ZNF846: variants seen among roughly 807,000 people sequenced by gnomAD.
ZNF846 encodes the protein zinc finger protein 846.
In ZNF846, 15 loss-of-function variants were observed where a neutral mutation model predicts 16.0. That is an observed-to-expected ratio of 0.94 (90% CI 0.63 to 1.45). The LOEUF is 1.45. Among genes scored for constraint, ZNF846 ranks in the 40% most tolerant of loss-of-function variants. ZNF846 has a pLI of 0.00. For missense variants in ZNF846, 714 were observed against 622.3 expected, an observed-to-expected ratio of 1.15 and a Z score of -1.57; for synonymous variants, 229 against 212.0, an observed-to-expected ratio of 1.08 and a Z score of -0.70.
At chr19:9,770,157 G>A (rs990035314), upstream of ZNF846, among the ~76,000 whole-genome samples, 2 of 151,404 alleles carry the variant, frequency 1.3e-5, no homozygotes, top group South Asian at 2.1e-4. Context: ...TTTGTGCATC[G>A]ATCATCACAA....
chr19:9,768,776 C>T (rs922227069), upstream of ZNF846: 3 of 152,342 alleles, frequency 2.0e-5, no homozygotes, highest in East Asian at 3.9e-4. Flanking sequence ...TCCGGTTGCG[C>T]ACGGCATTAA....
intron 4 of ZNF846, among the ~76,000 whole-genome samples, chr19:9,760,865 C>T (rs753586747): frequency 6.6e-6 from 1 of 151,574 alleles, no homozygotes; most frequent in Non-Finnish European, 1.5e-5. Flanking sequence ...GGACTGACTA[C>T]TTGATGGGTA....
chr19:9,770,103 C>A (rs2045376395), upstream of ZNF846, among the ~76,000 whole-genome samples: 1 of 152,086 alleles, frequency 6.6e-6, no homozygotes, highest in Non-Finnish European at 1.5e-5. Flanking sequence ...TACAATTAAC[C>A]TGTTTAAAGT....
intron 1 of ZNF846, among the ~76,000 whole-genome samples, chr19:9,777,225 G>C (rs1321413790): frequency 6.6e-6 from 1 of 151,838 alleles, no homozygotes; most frequent in South Asian, 2.1e-4. Context: ...CCAGCTACTT[G>C]GGAGGTCAAG....
At chr19:9,763,149 A>G in intron 3 of ZNF846, 133 bp downstream of exon 3, 1 of 811,800 alleles carries the variant, frequency 1.2e-6, no homozygotes, top group Admixed American at 3.2e-5. Context: ...TGTCTCAAAA[A>G]AAAAAAAAAA....
At chr19:9,756,345 G>GTGTGTGTGTGTGTATATATA (rs1321690890), downstream of ZNF846, 1 of 81,772 alleles carries the variant, frequency 1.2e-5, no homozygotes, top group African/African-American at 6.1e-5. Flanking sequence ...GTGTGTGTGT[G>GTGTGTGTGTGTGTATATATA]TATATATATA....
intron 3 of ZNF846, among the ~76,000 whole-genome samples, chr19:9,762,727 C>T (rs1486135915): frequency 6.6e-6 from 1 of 152,136 alleles, no homozygotes; most frequent in African/African-American, 2.4e-5. Flanking sequence ...GAAGAATGGC[C>T]TTGGACCACA....
At chr19:9,770,462 T>G (rs1021478451), upstream of ZNF846, among the ~76,000 whole-genome samples, 2 of 151,640 alleles carry the variant, frequency 1.3e-5, no homozygotes, top group Non-Finnish European at 2.9e-5. Flanking sequence ...ACATCAGTTG[T>G]TGGATATTGG....
At position 9,778,769 on chromosome 19, in the gene ZNF846, G is replaced by A. The variant is rs1179249518; in HGVS notation, c.-86+7169C>T. On this transcript the variant is annotated intron_variant, in intron 1 of 4. Coordinates refer to the ZNF846 transcript ENST00000586814. ...AGTGAGCTGAGATCATGCCATTGCA[G>A]TGCAGCTTGGGCAACAAGAGCGAAA... 2.1e-5 allele frequency among the ~76,000 whole-genome samples: 3 copies of A among 144,318 alleles called. No homozygotes were observed. In the East Asian group the frequency reaches 6.4e-4, roughly 31 times the overall value. The allele number at this position is 144,318 out of a possible 152,430, so 94.7% of individuals were successfully genotyped here. A position where few individuals can be genotyped will look rare whatever the true frequency, so the allele number is the denominator to read the frequency against.
rs187781992 is a variant in ZNF846, at chr19:9,766,484, C to T, written c.-85-1449G>A. ...TCTGTGGATCCACATTTGGGTTGTT[C>T]CTAATTTAGGCTATTTCAAATAATG... On this transcript the variant is annotated intron_variant, in intron 1 of 5. Coordinates refer to ENST00000397902, the Ensembl canonical transcript of ZNF846. Among the ~76,000 whole-genome samples the T allele has an allele frequency of 6.0e-5, 9 of 151,224 alleles. 1 individual carries two copies. In the South Asian group the frequency reaches 1.5e-3, roughly 25 times the overall value.
intron 1 of ZNF846, among the ~76,000 whole-genome samples, chr19:9,775,335 A>T (rs1390549754): frequency 5.3e-5 from 8 of 152,086 alleles, no homozygotes; most frequent in Non-Finnish European, 8.8e-5. Flanking sequence ...TGAAAAACAA[A>T]AGTGACAATG....
chr19:9,773,484 T>C (rs1293846820), upstream of ZNF846, among the ~76,000 whole-genome samples: 3 of 152,140 alleles, frequency 2.0e-5, no homozygotes, highest in Non-Finnish European at 4.4e-5. Context: ...AAATTAATTT[T>C]GAAACATAGA....
chr19:9,765,570 G>A (rs2045302161), intron 1 of ZNF846, among the ~76,000 whole-genome samples: 1 of 152,092 alleles, frequency 6.6e-6, no homozygotes, highest in African/African-American at 2.4e-5. Context: ...CAGCTGGGGA[G>A]GCTGAGGAAA....
chr19:9,760,064 G>T (rs1323805703), intron 4 of ZNF846, 122 bp from the exon 5 acceptor site: 3 of 641,240 alleles, frequency 4.7e-6, no homozygotes, highest in Non-Finnish European at 8.2e-6. Flanking sequence ...GGCCTAGATA[G>T]GTGGCTTACC....
intron 1 of ZNF846, among the ~76,000 whole-genome samples, chr19:9,784,549 T>C (rs1292921012): frequency 6.6e-6 from 1 of 152,162 alleles, no homozygotes; most frequent in Non-Finnish European, 1.5e-5. Flanking sequence ...AGGAGACAGA[T>C]GCTTTCCTCT....
At chr19:9,779,222 T>A (rs1360463089) in intron 1 of ZNF846, among the ~76,000 whole-genome samples, 1 of 152,224 alleles carries the variant, frequency 6.6e-6, no homozygotes, top group Non-Finnish European at 1.5e-5. Context: ...TTGGTTCCTT[T>A]GGAAGAAATG....
intron 1 of ZNF846, among the ~76,000 whole-genome samples, chr19:9,782,421 C>T (rs2045511207): frequency 1.3e-5 from 2 of 152,042 alleles, no homozygotes; most frequent in Non-Finnish European, 2.9e-5. Context: ...TGCACCACCA[C>T]ACCTAATTTT....
At chr19:9,759,788 T>C (rs1231374312) in intron 5 of ZNF846, 72 bp downstream of exon 5, 1 of 1,198,796 alleles carries the variant, frequency 8.3e-7, no homozygotes, top group Non-Finnish European at 1.2e-6. Flanking sequence ...AATGCCATTT[T>C]CCTCATATAA....
chr19:9,758,900 G>A, intron 5 of ZNF846, 136 bp from the exon 6 acceptor site: 1 of 740,490 alleles, frequency 1.4e-6, no homozygotes, highest in East Asian at 3.0e-5. Flanking sequence ...CAGAGTTCCA[G>A]CCCCATTTTT....
Sources: gnomAD v4.1 joint callset for allele counts (sites outside exome capture counted in the v4.1 genomes callset) on GRCh38, gnomAD v4.1.1 for gene constraint, MANE v1.5 for transcripts, NCBI Gene and HGNC (gene_info 2026-07-23, HGNC 2026-07-21) for gene names.